Variants in MAGI2 observed in about 807,000 individuals in gnomAD.
The protein encoded by MAGI2 is membrane-associated guanylate kinase, WW and PDZ domain-containing protein 2.
MAGI2 carries 35 observed loss-of-function variants against 133.3 expected under a neutral mutation model. That is an observed-to-expected ratio of 0.26 (90% CI 0.20 to 0.35). The LOEUF is 0.35. MAGI2 is among the 10% of genes least tolerant of loss of function. MAGI2 has a pLI of 1.00. For missense variants in MAGI2, 1,636 were observed against 1,863.4 expected (o/e 0.88, Z 2.25); for synonymous variants, 729 against 710.6 (o/e 1.03, Z -0.41).
intron 1 of MAGI2, among the ~76,000 whole-genome samples, chr7:79,180,686 C>G (rs1826536744): frequency 6.6e-6 from 1 of 151,980 alleles, no homozygotes; most frequent in Admixed American, 6.5e-5. Context: ...GCCTTCCCAA[C>G]AGTCCCCCAA....
chr7:79,066,988 A>G (rs1584840575), intron 1 of MAGI2, among the ~76,000 whole-genome samples: 1 of 152,192 alleles, frequency 6.6e-6, no homozygotes, highest in South Asian at 2.1e-4. Flanking sequence ...TGGTGCCAGT[A>G]CCATGCTGTT....
At chr7:78,439,556 A>AT in intron 6 of MAGI2, among the ~76,000 whole-genome samples, 1 of 152,150 alleles carries the variant, frequency 6.6e-6, no homozygotes, top group East Asian at 1.9e-4. Context: ...GAGTGAAGTC[A>AT]TGGAGGGCCC....
chr7:79,020,938 G>C (rs1253630232), intron 1 of MAGI2, among the ~76,000 whole-genome samples: 1 of 152,220 alleles, frequency 6.6e-6, no homozygotes, highest in East Asian at 1.9e-4. Context: ...AGGCCTTGCT[G>C]CTTTGTGCAG....
intron 6 of MAGI2, among the ~76,000 whole-genome samples, chr7:78,462,236 T>C (rs1255238144): frequency 2.0e-5 from 3 of 152,112 alleles, no homozygotes; most frequent in Middle Eastern, 3.2e-3. Flanking sequence ...TTTGTTAAAA[T>C]TCCAGGAAAA....
At chr7:78,729,623 C>T (rs1170855294) in intron 2 of MAGI2, among the ~76,000 whole-genome samples, 1 of 152,160 alleles carries the variant, frequency 6.6e-6, no homozygotes, top group Non-Finnish European at 1.5e-5. Flanking sequence ...CACAATGGCC[C>T]TCATCCACAT....
At chr7:79,277,902 A>G (rs2129557700) in intron 1 of MAGI2, among the ~76,000 whole-genome samples, 1 of 152,284 alleles carries the variant, frequency 6.6e-6, no homozygotes, top group South Asian at 2.1e-4. Flanking sequence ...TATCTGTAAA[A>G]GGGTAGGAGC....
chr7:78,987,756 T>A (rs995902077), intron 2 of MAGI2, among the ~76,000 whole-genome samples: 2 of 152,034 alleles, frequency 1.3e-5, no homozygotes, highest in Non-Finnish European at 2.9e-5. Context: ...AACCAGCATG[T>A]CAAGTTGATG....
intron 2 of MAGI2, among the ~76,000 whole-genome samples, chr7:78,758,892 G>A (rs574645368): frequency 7.2e-5 from 11 of 152,072 alleles, no homozygotes; most frequent in African/African-American, 1.9e-4. Flanking sequence ...CCATATATTC[G>A]CATTACTCTG....
intron 1 of MAGI2, among the ~76,000 whole-genome samples, chr7:79,229,655 C>G (rs1831179776): frequency 6.6e-6 from 1 of 152,148 alleles, no homozygotes; most frequent in Non-Finnish European, 1.5e-5. Flanking sequence ...GAATCAGATT[C>G]TGGGCTCCAG....
At chr7:78,298,496 C>T (rs1374386207) in intron 9 of MAGI2, among the ~76,000 whole-genome samples, 1 of 152,142 alleles carries the variant, frequency 6.6e-6, no homozygotes, top group Non-Finnish European at 1.5e-5. Flanking sequence ...CACAATTTTT[C>T]TATAAATCCA....
chr7:78,760,204 T>C (rs1477673594), intron 2 of MAGI2, among the ~76,000 whole-genome samples: 1 of 152,166 alleles, frequency 6.6e-6, no homozygotes, highest in Non-Finnish European at 1.5e-5. Flanking sequence ...TTTTATAACC[T>C]GTATTTTTTT....
Position 78,057,981 on chromosome 7 carries a change from A to ATT in MAGI2, c.3706+20965_3706+20966insAA, listed in dbSNP as rs1563064274. Reference sequence around the variant, plus strand: ...TCTGGCATTTTATATATATGTGTATATATATATATATATATATATATATGT... The same window carrying ATT: ...TCTGGCATTTTATATATATGTGTATATTTATATATATATATATATATATATGT... On this transcript the variant is annotated intron_variant, in intron 21 of 21. Coordinates refer to ENST00000354212, the MANE Select transcript of MAGI2 (RefSeq NM_012301.4). Among the ~76,000 whole-genome samples, 60 of 100,108 alleles carry ATT rather than the reference A, an allele frequency of 6.0e-4. No individual in the cohort carries two copies. The Middle Eastern group carries it at 0.014, about 23-fold the overall frequency. 65.7% of individuals were successfully genotyped at this position (100,108 alleles called of 152,430 possible). A position where few individuals can be genotyped will look rare whatever the true frequency, so the allele number is the denominator to read the frequency against.
intron 5 of MAGI2, among the ~76,000 whole-genome samples, chr7:78,495,593 C>T (rs1367636830): frequency 1.3e-5 from 2 of 152,128 alleles, no homozygotes; most frequent in Non-Finnish European, 2.9e-5. Flanking sequence ...AGACTCCATT[C>T]ACCCAAAGTT....
rs765996751 is a variant in MAGI2, at chr7:78,345,687, C to T, written c.1225+235G>A. The T allele has an allele frequency of 3.9e-3, 1,868 of 479,020 alleles. 8 individuals are homozygous for T. The highest frequency in any genetic ancestry group is 6.2e-3 in the Non-Finnish European group (1,680 of 271,056). The allele number at this position is 479,020 out of a possible 1,614,324, so 29.7% of individuals were successfully genotyped here. On this transcript the variant is annotated intron_variant, in intron 8 of 21. Transcript: ENST00000354212. ...CACTATAAAAATCCATTAATCTCCA[C>T]GTGGTGACATGCTGTACATTCCTAT...
intron 4 of MAGI2, among the ~76,000 whole-genome samples, chr7:78,503,959 C>CAT (rs35058272): frequency 0.49 from 73,691 of 151,218 alleles, 18,276 homozygotes; most frequent in South Asian, 0.56. Flanking sequence ...GGTATTTCTT[C>CAT]ATAGCAGTGT....
intron 6 of MAGI2, among the ~76,000 whole-genome samples, chr7:78,422,201 G>T (rs1798864029): frequency 6.6e-6 from 1 of 152,138 alleles, no homozygotes; most frequent in Non-Finnish European, 1.5e-5. Flanking sequence ...AATGGAGCAG[G>T]GATGAACTCA....
intron 1 of MAGI2, among the ~76,000 whole-genome samples, chr7:79,092,195 C>A (rs539038526): frequency 6.6e-6 from 1 of 152,060 alleles, no homozygotes; most frequent in African/African-American, 2.4e-5. Flanking sequence ...TTCAGCTAAG[C>A]GTTTAATCTA....
chr7:78,497,792 A>C (rs1794262030), intron 5 of MAGI2, among the ~76,000 whole-genome samples: 1 of 111,418 alleles, frequency 9.0e-6, no homozygotes, highest in Admixed American at 8.7e-5. Flanking sequence ...GAACCAAAGA[A>C]TCATTCTCCT....
At chr7:78,284,450 C>CT (rs34430968) in intron 9 of MAGI2, among the ~76,000 whole-genome samples, 26,567 of 142,636 alleles carry the variant, frequency 0.19, 2,814 homozygotes, top group South Asian at 0.31. Flanking sequence ...GTTTTCTTTT[C>CT]TTTTTTTTTT....
Sources: allele counts gnomAD v4.1 joint callset (sites outside exome capture counted in the v4.1 genomes callset), GRCh38; gene constraint gnomAD v4.1.1; transcripts MANE v1.5; gene names NCBI Gene and HGNC (gene_info 2026-07-23, HGNC 2026-07-21).